The following ZDHHC9 variants were observed in gnomAD, a reference collection of about 807,000 sequenced individuals.
ZDHHC9 encodes palmitoyltransferase ZDHHC9.
ZDHHC9 carries 3 observed loss-of-function variants against 26.6 expected under a neutral mutation model. The observed-to-expected ratio is 0.11, with a 90% CI of 0.05 to 0.29. The LOEUF (loss-of-function observed/expected upper bound fraction) is 0.29, where lower values mean the gene tolerates loss of function less well. Among genes scored for constraint, ZDHHC9 ranks in the 10% least tolerant of loss-of-function variants. ZDHHC9 has a pLI of 1.00. For synonymous variants in ZDHHC9, 111 were observed against 109.4 expected (o/e 1.01, Z -0.09); for missense variants, 146 against 296.4 (o/e 0.49, Z 3.73).
At chrX:129,830,719 T>A (rs1036267955) in intron 3 of ZDHHC9, among the ~76,000 whole-genome samples, 2 of 111,604 alleles carry the variant, frequency 1.8e-5, no homozygotes, top group Non-Finnish European at 1.9e-5. Context: ...GCATGGGAAG[T>A]AAGCAAGCTA....
chrX:129,835,553 C>T lies in ZDHHC9; in HGVS notation c.167+6226G>A, dbSNP rs770550968. On this transcript the variant is annotated intron_variant, in intron 3 of 10. Transcript: ENST00000357166. ...ATCCCAGCACTTTGGGAGGCAGAGG[C>T]GGGCGGATCACCTGAAGTCAGGAGT... Among the ~76,000 whole-genome samples the T allele has an allele frequency of 1.6e-3, 179 of 111,031 alleles. 2 individuals are homozygous for T. The highest frequency in any genetic ancestry group is 5.5e-3 in the African/African-American group (168 of 30,644).
At chrX:129,809,988 CA>C (rs55755290) in intron 10 of ZDHHC9, among the ~76,000 whole-genome samples, 17 of 58,611 alleles carry the variant, frequency 2.9e-4, no homozygotes, top group East Asian at 1.7e-3. Flanking sequence ...GACTCCGTCT[CA>C]AAAAAAAAAA....
chrX:129,806,946 A>T (rs1368115738), intron 10 of ZDHHC9, among the ~76,000 whole-genome samples: 1 of 111,447 alleles, frequency 9.0e-6, no homozygotes. Flanking sequence ...TCCCCAAGTG[A>T]TTCTAAAATA....
intron 4 of ZDHHC9, 104 bp downstream of exon 4, chrX:129,828,877 G>A: frequency 9.5e-7 from 1 of 1,057,999 alleles, no homozygotes; most frequent in Non-Finnish European, 1.3e-6. Flanking sequence ...AGAGAGAAAA[G>A]GCTAGAAGTG....
intron 3 of ZDHHC9, among the ~76,000 whole-genome samples, chrX:129,836,352 C>A (rs1415426347): frequency 9.0e-6 from 1 of 111,367 alleles, no homozygotes; most frequent in Non-Finnish European, 1.9e-5. Flanking sequence ...GGCACAATCT[C>A]GGCTCACTGC....
At chrX:129,815,304 G>T (rs893381800) in intron 5 of ZDHHC9, among the ~76,000 whole-genome samples, 20 of 112,020 alleles carry the variant, frequency 1.8e-4, no homozygotes, top group African/African-American at 6.2e-4. Flanking sequence ...AGAGGTAAAA[G>T]GAAGTATTAT....
rs962475296 is a variant in ZDHHC9, at chrX:129,805,438, G to A, written c.*932C>T. 4.5e-5 allele frequency: 5 copies of A among 111,499 alleles called. No individual in the cohort carries two copies. The highest frequency in any genetic ancestry group is 1.9e-5 in the Non-Finnish European group (1 of 52,899). 9.2% of individuals were successfully genotyped at this position (111,499 alleles called of 1,213,427 possible). A position where few individuals can be genotyped will look rare whatever the true frequency, so the allele number is the denominator to read the frequency against. Reference sequence around the variant, plus strand: ...GGCCTCTGCAGGCCTCACACAGGGAGTCTGAGGGGATAGTGTTTAAGTGAG... The same window carrying A: ...GGCCTCTGCAGGCCTCACACAGGGAATCTGAGGGGATAGTGTTTAAGTGAG... On this transcript the variant is annotated 3_prime_UTR_variant, in exon 11 of 11. Coordinates refer to ENST00000357166, the MANE Select transcript of ZDHHC9 (RefSeq NM_016032.4).
intron 3 of ZDHHC9, among the ~76,000 whole-genome samples, chrX:129,841,552 A>G (rs1222692483): frequency 8.9e-6 from 1 of 112,206 alleles, no homozygotes; most frequent in Admixed American, 9.4e-5. Context: ...TATCAAGGAC[A>G]GCCCCAAATC....
intron 10 of ZDHHC9, among the ~76,000 whole-genome samples, chrX:129,807,086 G>A (rs1323727851): frequency 1.8e-5 from 2 of 112,499 alleles, no homozygotes; most frequent in African/African-American, 6.5e-5. Flanking sequence ...ACTTTAAAAG[G>A]AAATTCAAAA....
At chrX:129,825,974 G>A (rs377123976) in intron 4 of ZDHHC9, among the ~76,000 whole-genome samples, 6 of 111,776 alleles carry the variant, frequency 5.4e-5, no homozygotes, top group African/African-American at 9.8e-5. Context: ...CAGACAGACC[G>A]TATGAATTTG....
chrX:129,821,417 C>T (rs1032442818), intron 5 of ZDHHC9, among the ~76,000 whole-genome samples: 8 of 107,084 alleles, frequency 7.5e-5, no homozygotes, highest in Non-Finnish European at 1.2e-4. Flanking sequence ...CTTAGCCTCC[C>T]GAGTAGCTGG....
chrX:129,834,067 T>A (rs1221902376), intron 3 of ZDHHC9, among the ~76,000 whole-genome samples: 1 of 111,522 alleles, frequency 9.0e-6, no homozygotes, highest in African/African-American at 3.3e-5. Context: ...GGTGATTAGG[T>A]CACCTAAGGC....
At chrX:129,815,653 T>G (rs1349774374) in intron 5 of ZDHHC9, among the ~76,000 whole-genome samples, 1 of 111,350 alleles carries the variant, frequency 9.0e-6, no homozygotes, top group Non-Finnish European at 1.9e-5. Flanking sequence ...AAACTTCTCA[T>G]GTACACCATA....
Position 129,804,843 on chromosome X carries a change from T to G in ZDHHC9, c.*1527A>C, listed in dbSNP as rs1449266835. ...CAAGGGTGCCCTGGTTAATGGAAGTTTGGGGAGTAACAAGCAACCCCTTCC... is the reference window on the plus strand; with the variant it reads ...CAAGGGTGCCCTGGTTAATGGAAGTGTGGGGAGTAACAAGCAACCCCTTCC... On this transcript the variant is annotated 3_prime_UTR_variant, in exon 11 of 11. Transcript: ENST00000357166. 9.0e-6 allele frequency: 1 copy of G among 111,167 alleles called. No individual in the cohort carries two copies. Among genetic ancestry groups the G allele is most frequent in the African/African-American group, 3.3e-5 (1 of 30,512 alleles). The allele number at this position is 111,167 out of a possible 1,213,427, so 9.2% of individuals were successfully genotyped here.
intron 5 of ZDHHC9, 135 bp downstream of exon 5, chrX:129,823,540 CCTAT>C: frequency 1.4e-6 from 1 of 705,722 alleles, no homozygotes; most frequent in Non-Finnish European, 2.2e-6. Flanking sequence ...GAGCTTGTTG[CCTAT>C]CTAAATTTCC....
intron 10 of ZDHHC9, among the ~76,000 whole-genome samples, chrX:129,808,348 G>A (rs1005193180): frequency 5.3e-5 from 6 of 112,242 alleles, no homozygotes; most frequent in South Asian, 3.6e-4. Context: ...TCAAGACAGC[G>A]TGGTACTAGC....
Position 129,828,964 on chromosome X carries a change from C to A in ZDHHC9, c.328+17G>T, listed in dbSNP as rs368495079. 26 of 1,209,675 alleles carry A rather than the reference C, an allele frequency of 2.1e-5. No homozygotes were observed. In the African/African-American group the frequency reaches 3.8e-4, roughly 18 times the overall value. On this transcript the variant is annotated intron_variant, in intron 4 of 10. Transcript: ENST00000357166. The stretch of plus-strand genomic sequence containing the variant: ...CACCCACTACACAGCAGCTTGCCAG[C>A]TGGTTGGAAGACTCACCTATCTCCA...
In ZDHHC9 at chrX:129,841,789, A is replaced by G. The variant is rs1356273278; in HGVS notation, c.157T>C (p.Phe53Leu). The G allele has an allele frequency of 1.7e-6, 2 of 1,211,960 alleles. No individual in the cohort carries two copies. Among genetic ancestry groups the G allele is most frequent in the Non-Finnish European group, 2.2e-6 (2 of 895,577 alleles). The change falls in exon 3 of 11, where the codon TTC becomes CTC. Residue 53 changes from phenylalanine (F) to leucine (L), a missense_variant. Phe to Leu is a conservative substitution (Grantham distance 22, BLOSUM62 0). This residue lies in a region of ZDHHC9 where 100 missense variants were observed against 250.0 expected (regional missense o/e 0.40). Coordinates refer to ENST00000357166, the MANE Select transcript of ZDHHC9 (RefSeq NM_016032.4). ...TCAACCGAAACTCACTCAAAGGCGA[A>G]GAAGAGTGTACATGTCCCCAGGATG... ...FLILGTCTLF[F>L]AFECRYLAVQ...
intron 3 of ZDHHC9, among the ~76,000 whole-genome samples, chrX:129,836,576 C>T (rs1480249464): frequency 3.6e-5 from 4 of 112,429 alleles, no homozygotes; most frequent in Admixed American, 9.4e-5. Context: ...TGAGCCACTG[C>T]GCCCAGCCCA....
Sources: allele counts gnomAD v4.1 joint callset (sites outside exome capture counted in the v4.1 genomes callset), GRCh38; gene constraint gnomAD v4.1.1; regional missense constraint gnomAD v4.1.1; transcripts MANE v1.5; gene names NCBI Gene and HGNC (gene_info 2026-07-23, HGNC 2026-07-21).